The following EML5 variants were observed in gnomAD, a reference collection of about 807,000 sequenced individuals.
EML5 encodes the protein echinoderm microtubule-associated protein-like 5.
EML5 carries 120 observed loss-of-function variants against 250.0 expected under a neutral mutation model. That is an observed-to-expected ratio of 0.48 (90% CI 0.41 to 0.56). The LOEUF is 0.56. EML5 is among the 20% of genes least tolerant of loss of function. The pLI, the probability that EML5 is intolerant of heterozygous loss-of-function variation, is 0.00. For missense variants in EML5, 2,006 were observed against 2,437.6 expected, an observed-to-expected ratio of 0.82 and a Z score of 3.73; for synonymous variants, 771 against 806.5, an observed-to-expected ratio of 0.96 and a Z score of 0.75.
At chr14:88,747,602 T>C (rs1307866009) in intron 2 of EML5, among the ~76,000 whole-genome samples, 3 of 152,142 alleles carry the variant, frequency 2.0e-5, no homozygotes, top group South Asian at 2.1e-4. Context: ...AAGCTTAATG[T>C]GCGAAATAAA....
intron 25 of EML5, 88 bp downstream of exon 25, chr14:88,661,566 A>C: frequency 8.5e-7 from 1 of 1,178,486 alleles, no homozygotes; most frequent in Non-Finnish European, 1.2e-6. Flanking sequence ...CATATGTACA[A>C]TTAATAACAA....
chr14:88,754,545 A>G lies in EML5; in HGVS notation c.324T>C (p.Gly108=). ...CTAAGTCAAACGCCAAGCAAGCTATACCATGTGTATGAACATCCTTTAAAA... is the reference window on the plus strand; with the variant it reads ...CTAAGTCAAACGCCAAGCAAGCTATGCCATGTGTATGAACATCCTTTAAAA... ...ISVLKDVHTH[G]IACLAFDLDG... Residue 108 remains glycine, a synonymous_variant, in exon 2 of 44, where the codon GGT becomes GGC. Coordinates refer to ENST00000554922, the MANE Select transcript of EML5 (RefSeq NM_183387.3). 6.2e-7 allele frequency: 1 copy of G among 1,611,874 alleles called. No homozygotes were observed. Among genetic ancestry groups the G allele is most frequent in the South Asian group, 1.1e-5 (1 of 90,284 alleles).
intron 7 of EML5, among the ~76,000 whole-genome samples, chr14:88,731,934 T>C (rs192032217): frequency 1.3e-5 from 2 of 152,348 alleles, no homozygotes; most frequent in African/African-American, 2.4e-5. Context: ...CTAGTAAATT[T>C]GTTTGAGTTC....
chr14:88,618,428 A>T, intron 40 of EML5, 97 bp from the exon 41 acceptor site: 1 of 1,150,154 alleles, frequency 8.7e-7, no homozygotes, highest in Non-Finnish European at 1.3e-6. Context: ...TACTTGATTT[A>T]CATGTCTAAC....
intron 37 of EML5, chr14:88,621,809 A>C: frequency 2.4e-6 from 1 of 422,618 alleles, no homozygotes; most frequent in Non-Finnish European, 4.7e-6. Context: ...ATAATTATAC[A>C]TATCTATAGG....
At chr14:88,621,947 A>G (rs1241054081) in intron 37 of EML5, 1 of 452,314 alleles carries the variant, frequency 2.2e-6, no homozygotes, top group African/African-American at 2.0e-5. Flanking sequence ...TAGTCATCCT[A>G]CAGTACTACA....
Position 88,746,259 on chromosome 14 carries a change from A to G in EML5, c.382T>C (p.Ser128Pro), listed in dbSNP as rs187049259. 9.0e-5 allele frequency: 145 copies of G among 1,613,446 alleles called. 2 individuals are homozygous for G. In the East Asian group the frequency reaches 2.2e-3, roughly 24 times the overall value. Residue 128 changes from serine (S) to proline (P), a missense_variant, in exon 3 of 44, where the codon TCA becomes CCA. Transcript: ENST00000554922. ...TCCCAAACACAAACTGCATTCTTTG[A>G]ATCAAGTCCAACTGAAACCAAGCGC... is the stretch of plus-strand genomic sequence containing the variant. ...GQRLVSVGLD[S>P]KNAVCVWDWK... is the part of the protein sequence containing the mutation.
At chr14:88,675,052 C>A (rs566129281) in intron 21 of EML5, among the ~76,000 whole-genome samples, 1 of 152,206 alleles carries the variant, frequency 6.6e-6, no homozygotes, top group African/African-American at 2.4e-5. Flanking sequence ...TAGCCCCCTT[C>A]CTGGCTGCTT....
intron 1 of EML5, among the ~76,000 whole-genome samples, chr14:88,791,263 CA>C (rs2094604458): frequency 6.6e-6 from 1 of 152,170 alleles, no homozygotes; most frequent in Non-Finnish European, 1.5e-5. Flanking sequence ...TTGAAATGCC[CA>C]ATTTAAATCC....
intron 8 of EML5, among the ~76,000 whole-genome samples, chr14:88,719,618 T>C (rs1364966967): frequency 6.6e-6 from 1 of 152,232 alleles, no homozygotes; most frequent in Non-Finnish European, 1.5e-5. Flanking sequence ...TATGTGTATA[T>C]ATAATTTTCT....
At chr14:88,712,545 C>A in intron 9 of EML5, 62 bp from the exon 10 acceptor site, 1 of 1,406,352 alleles carries the variant, frequency 7.1e-7, no homozygotes, top group Non-Finnish European at 9.8e-7. Context: ...CAAGCCTAAA[C>A]TGTACTGAGA....
rs2093092547 is a variant in EML5 at position 88,696,902 on chromosome 14, T to C, written c.2289A>G (p.Pro763=). 1.2e-6 allele frequency: 2 copies of C among 1,610,156 alleles called. No individual in the cohort carries two copies. Among genetic ancestry groups the C allele is most frequent in the Non-Finnish European group, 1.7e-6 (2 of 1,178,006 alleles). Residue 763 remains proline (P), a synonymous_variant, in exon 15 of 44, where the codon CCA becomes CCG. Transcript: ENST00000554922. ...GGTGGTGGCCCTTTAATATGGACAA[T>C]GGTTTAATGGTCTCTGTATCCCATA... ...IHIWDTETIK[P]LSILKGHHQY...
intron 27 of EML5, among the ~76,000 whole-genome samples, chr14:88,656,782 C>G (rs2091889416): frequency 6.6e-6 from 1 of 152,144 alleles, no homozygotes; most frequent in African/African-American, 2.4e-5. Context: ...CATGGATAGG[C>G]AGGCCTTTTC....
chr14:88,638,790 T>C lies in EML5; in HGVS notation c.4336+19A>G. On this transcript the variant is annotated intron_variant, in intron 32 of 43. Coordinates refer to ENST00000554922, the MANE Select transcript of EML5 (RefSeq NM_183387.3). ...AGCAAATGCTTTAAATTGTTTCTTT[T>C]TAAAATACAGAAACATACCTACTTG... 6.5e-7 allele frequency: 1 copy of C among 1,533,618 alleles called. No individual in the cohort carries two copies. Among genetic ancestry groups the C allele is most frequent in the Non-Finnish European group, 8.8e-7 (1 of 1,136,548 alleles).
chr14:88,753,386 TAAAAACATCTACTGGCTATCATGTTC>T (rs1265084732), intron 2 of EML5, among the ~76,000 whole-genome samples: 1 of 152,210 alleles, frequency 6.6e-6, no homozygotes, highest in African/African-American at 2.4e-5. Context: ...GAGTAATATA[TAAAAACATCTACTGGCTATCATGTTC>T]AAGGGGATAG....
chr14:88,674,408 C>T (rs2092546749), intron 21 of EML5, among the ~76,000 whole-genome samples: 1 of 152,176 alleles, frequency 6.6e-6, no homozygotes, highest in African/African-American at 2.4e-5. Context: ...AAAGGAGAAG[C>T]AGGCACCTTC....
intron 7 of EML5, among the ~76,000 whole-genome samples, chr14:88,732,577 G>GT (rs2093778067): frequency 6.6e-6 from 1 of 151,842 alleles, no homozygotes; most frequent in African/African-American, 2.4e-5. Flanking sequence ...ATGAACTTTA[G>GT]TTTTTTCCAC....
At chr14:88,736,236 T>C in intron 7 of EML5, 128 bp downstream of exon 7, 3 of 972,718 alleles carry the variant, frequency 3.1e-6, no homozygotes, top group Non-Finnish European at 3.1e-6. Flanking sequence ...CTTGACCTTG[T>C]GATCTGCCCG....
Position 88,688,631 on chromosome 14 carries a change from G to T in EML5, c.2540-158C>A, listed in dbSNP as rs559911826. ...TACAGGTGTCTCAATCAGTGATGTG[G>T]GTAACACCTTGCATAACTGCATTTA... On this transcript the variant is annotated intron_variant, in intron 17 of 43. Coordinates refer to ENST00000554922, the MANE Select transcript of EML5 (RefSeq NM_183387.3). 2.0e-5 allele frequency among the ~76,000 whole-genome samples: 3 copies of T among 152,282 alleles called. No homozygotes were observed. In the South Asian group the frequency reaches 6.2e-4, roughly 32 times the overall value.
Sources: allele counts gnomAD v4.1 joint callset (sites outside exome capture counted in the v4.1 genomes callset), GRCh38; gene constraint gnomAD v4.1.1; transcripts MANE v1.5; gene names NCBI Gene and HGNC (gene_info 2026-07-23, HGNC 2026-07-21).